MEGF10: variants seen among roughly 807,000 people sequenced by gnomAD.
The protein encoded by MEGF10 is multiple EGF like domains 10.
MEGF10 carries 86 observed loss-of-function variants against 147.5 expected under a neutral mutation model. That is an observed-to-expected ratio of 0.58 (90% confidence interval 0.49 to 0.70). The LOEUF (loss-of-function observed/expected upper bound fraction) is 0.70. MEGF10 is among the 30% of genes least tolerant of loss of function. MEGF10 has a pLI of 0.00. For missense variants in MEGF10, 1,329 were observed against 1,487.3 expected (o/e 0.89, Z 1.75); for synonymous variants, 478 against 525.5 (o/e 0.91, Z 1.24).
Position 127,393,810 on chromosome 5 carries a change from GT to G in MEGF10, c.413-2711del, listed in dbSNP as rs11414651. ...TGTATTATGATAAGATATCTTCAAA[GT>G]TTTTTTTTTTCTTTTTTTTTTGTTC... On this transcript the variant is annotated intron_variant, in intron 5 of 24. Transcript: ENST00000503335. Among the ~76,000 whole-genome samples the G allele has an allele frequency of 8.0e-3, 1,178 of 147,672 alleles. 11 individuals are homozygous for G. Among genetic ancestry groups the G allele is most frequent in the African/African-American group, 0.027 (1,077 of 40,346 alleles).
intron 1 of MEGF10, among the ~76,000 whole-genome samples, chr5:127,302,195 T>C (rs946524040): frequency 2.0e-5 from 3 of 152,354 alleles, no homozygotes; most frequent in East Asian, 1.9e-4. Context: ...CAGCCAAAAC[T>C]ATTATTTTTG....
intron 4 of MEGF10, among the ~76,000 whole-genome samples, chr5:127,360,864 G>GTA (rs370089072): frequency 1.7e-3 from 255 of 149,014 alleles, no homozygotes; most frequent in South Asian, 2.5e-3. Context: ...ATATGTGTGT[G>GTA]TATATATATA....
In MEGF10 at chr5:127,448,790, CT is replaced by C. The variant is rs199921206; in HGVS notation, c.2857-292del. On this transcript the variant is annotated intron_variant, in intron 21 of 24. Transcript: ENST00000503335. The stretch of plus-strand genomic sequence containing the variant: ...GATGGAAGAACTTAGACCAAGAGTT[CT>C]TTTTTTTTTTTTTTTTCCAAATCAA... Among the ~76,000 whole-genome samples, 4,715 of 131,062 alleles carry C rather than the reference CT, an allele frequency of 0.036. 76 individuals are homozygous for C. The highest frequency in any genetic ancestry group is 0.061 in the East Asian group (271 of 4,472). The allele number at this position is 131,062 out of a possible 152,430, so 86.0% of individuals were successfully genotyped here. A position where few individuals can be genotyped will look rare whatever the true frequency, so the allele number is the denominator to read the frequency against.
At chr5:127,425,747 C>T (rs1258723552) in intron 13 of MEGF10, among the ~76,000 whole-genome samples, 1 of 151,986 alleles carries the variant, frequency 6.6e-6, no homozygotes, top group Non-Finnish European at 1.5e-5. Flanking sequence ...CTGTTAGGAC[C>T]TTTTTGAACG....
chr5:127,354,581 G>A (rs953500224), intron 4 of MEGF10, among the ~76,000 whole-genome samples: 2 of 152,080 alleles, frequency 1.3e-5, no homozygotes, highest in African/African-American at 4.8e-5. Flanking sequence ...TGGGTGGCCC[G>A]AGTGCGCCTC....
At chr5:127,270,409 C>CA in the MEGF10 span, among the ~76,000 whole-genome samples, 1 of 151,580 alleles carries the variant, frequency 6.6e-6, no homozygotes, top group African/African-American at 2.4e-5. Flanking sequence ...AAACGGAAAA[C>CA]AAAAAAAGGC....
At chr5:127,326,204 C>T (rs1292805419) in intron 1 of MEGF10, among the ~76,000 whole-genome samples, 4 of 151,784 alleles carry the variant, frequency 2.6e-5, no homozygotes, top group Admixed American at 6.6e-5. Flanking sequence ...AGTGAGCCAC[C>T]GCACCTGGCC....
chr5:127,359,229 C>A (rs747300311), intron 4 of MEGF10, among the ~76,000 whole-genome samples: 8 of 151,930 alleles, frequency 5.3e-5, no homozygotes, highest in Admixed American at 2.6e-4. Flanking sequence ...TGATGACAGA[C>A]TCTTAGTTAA....
chr5:127,421,561 A>G (rs1372788478), intron 12 of MEGF10, among the ~76,000 whole-genome samples: 8 of 152,088 alleles, frequency 5.3e-5, no homozygotes, highest in African/African-American at 1.4e-4. Context: ...AATCATGTCT[A>G]TGAGGAGTCT....
intron 4 of MEGF10, among the ~76,000 whole-genome samples, chr5:127,344,133 TA>T (rs35472799): frequency 1.3e-5 from 2 of 152,202 alleles, no homozygotes; most frequent in African/African-American, 4.8e-5. Context: ...TTCAATTGAA[TA>T]AAACATGCAT....
intron 4 of MEGF10, among the ~76,000 whole-genome samples, chr5:127,345,229 G>A (rs1194986652): frequency 1.3e-5 from 2 of 152,166 alleles, no homozygotes; most frequent in Non-Finnish European, 2.9e-5. Context: ...AGAGCATGAT[G>A]AAGAGACTGG....
chr5:127,331,204 A>G, intron 1 of MEGF10, 87 bp from the exon 2 acceptor site: 1 of 690,480 alleles, frequency 1.4e-6, no homozygotes, highest in Non-Finnish European at 2.6e-6. Flanking sequence ...CCCACTGACA[A>G]CTGGTACCTG....
In MEGF10 at chr5:127,432,643, G is replaced by A. The variant is rs550258666; in HGVS notation, c.1694-720G>A. 5.3e-5 allele frequency among the ~76,000 whole-genome samples: 8 copies of A among 152,138 alleles called. No homozygotes were observed. The East Asian group carries it at 1.4e-3, about 26-fold the overall frequency. On this transcript the variant is annotated intron_variant, in intron 13 of 24. Coordinates refer to ENST00000503335, the MANE Select transcript of MEGF10 (RefSeq NM_001256545.2). ...AAAACCTGGTTTTAGTTTTATTTTT[G>A]CAAACTTAGCTTTCCTTTCTGTTTC...
chr5:127,269,350 G>C, the MEGF10 span, among the ~76,000 whole-genome samples: 1 of 152,170 alleles, frequency 6.6e-6, no homozygotes, highest in Non-Finnish European at 1.5e-5. Flanking sequence ...AAAAATGTTA[G>C]AATGAATGGC....
chr5:127,331,318 T>C lies in MEGF10; in HGVS notation c.10T>C (p.Ser4Pro). The C allele has an allele frequency of 6.2e-7, 1 of 1,607,504 alleles. No individual in the cohort carries two copies. Among genetic ancestry groups the C allele is most frequent in the Non-Finnish European group, 8.5e-7 (1 of 1,175,298 alleles). Residue 4 changes from serine (S) to proline (P), a missense_variant, in exon 2 of 25, where the codon TCT becomes CCT. Ser to Pro is a moderately conservative substitution (Grantham distance 74, BLOSUM62 -1). Coordinates refer to ENST00000503335, the MANE Select transcript of MEGF10 (RefSeq NM_001256545.2). MVISLNSCLSFICL... is the reference protein window; with the variant it reads MVIPLNSCLSFICL... ...TGTTCTTCAGAAAAAAATGGTTATT[T>C]CTTTGAACTCATGCCTGAGCTTTAT... is the stretch of plus-strand genomic sequence containing the variant.
At chr5:127,388,839 CT>C (rs1763539993) in intron 5 of MEGF10, among the ~76,000 whole-genome samples, 1 of 152,202 alleles carries the variant, frequency 6.6e-6, no homozygotes, top group South Asian at 2.1e-4. Context: ...GCCACTGCCC[CT>C]GGCCAATTTT....
chr5:127,452,195 A>G (rs905985608), intron 22 of MEGF10, among the ~76,000 whole-genome samples: 1 of 152,184 alleles, frequency 6.6e-6, no homozygotes, highest in Non-Finnish European at 1.5e-5. Flanking sequence ...CTGGCCTCAT[A>G]GCCCCAGCTC....
At chr5:127,434,128 C>T (rs1239723667) in intron 14 of MEGF10, among the ~76,000 whole-genome samples, 1 of 152,128 alleles carries the variant, frequency 6.6e-6, no homozygotes, top group Non-Finnish European at 1.5e-5. Context: ...GAATTCTATG[C>T]AGTTATCATA....
In MEGF10 at chr5:127,401,051, C is replaced by T. The variant is rs147756691; in HGVS notation, c.781-1495C>T. ...GCTTGTGAATGTTAATCTTTATGCA[C>T]GAAAATATTTCAGCGCATTTCTGAA... On this transcript the variant is annotated intron_variant, in intron 7 of 24. Coordinates refer to ENST00000503335, the MANE Select transcript of MEGF10 (RefSeq NM_001256545.2). 2.6e-3 allele frequency among the ~76,000 whole-genome samples: 399 copies of T among 152,220 alleles called. 1 individual carries two copies. The highest frequency in any genetic ancestry group is 4.4e-3 in the Non-Finnish European group (297 of 68,020).
Sources: allele counts gnomAD v4.1 joint callset (sites outside exome capture counted in the v4.1 genomes callset), GRCh38; gene constraint gnomAD v4.1.1; transcripts MANE v1.5; gene names NCBI Gene and HGNC (gene_info 2026-07-23, HGNC 2026-07-21).